Variants in ATIC observed in about 807,000 individuals in gnomAD.
ATIC encodes the protein bifunctional purine biosynthesis protein ATIC.
Under a neutral mutation model 72.5 loss-of-function variants are expected in ATIC, and 64 were observed. The observed-to-expected ratio is 0.88, with a 90% CI of 0.72 to 1.09. ATIC has a LOEUF of 1.09. Among genes scored for constraint, ATIC ranks in the 50% least tolerant of loss-of-function variants. The pLI is 0.00. For missense variants in ATIC, 787 were observed against 732.4 expected, an observed-to-expected ratio of 1.07 and a Z score of -0.86; for synonymous variants, 281 against 267.1, an observed-to-expected ratio of 1.05 and a Z score of -0.51.
chr2:215,337,422 A>AG (rs1446987838), intron 11 of ATIC, among the ~76,000 whole-genome samples: 1 of 152,128 alleles, frequency 6.6e-6, no homozygotes, highest in African/African-American at 2.4e-5. Flanking sequence ...GCTAGAGTGC[A>AG]GTGGTGTGAT....
chr2:215,343,180 G>T (rs1335892408), intron 12 of ATIC, among the ~76,000 whole-genome samples: 3 of 150,658 alleles, frequency 2.0e-5, no homozygotes, highest in Admixed American at 6.6e-5. Flanking sequence ...TTAAAGACAT[G>T]GGATAGTTGT....
Position 215,342,145 on chromosome 2 carries a change from G to C in ATIC, c.1228-2634G>C, listed in dbSNP as rs12464837. Among the ~76,000 whole-genome samples the C allele has an allele frequency of 2.0e-5, 3 of 152,222 alleles. No homozygotes were observed. In the East Asian group the frequency reaches 5.8e-4, roughly 29 times the overall value. On this transcript the variant is annotated intron_variant, in intron 12 of 15. Coordinates refer to ENST00000236959, the MANE Select transcript of ATIC (RefSeq NM_004044.7). ...TTATTATAATTCAGGGTGAGATTTA[G>C]GTGGGGACACAGCCAAACCGTATCA...
At chr2:215,317,491 G>T (rs1264752916) in intron 2 of ATIC, among the ~76,000 whole-genome samples, 52 of 152,004 alleles carry the variant, frequency 3.4e-4, no homozygotes, top group African/African-American at 1.2e-3. Flanking sequence ...ATGTGTTGTT[G>T]TTGTTGTTTT....
intron 4 of ATIC, among the ~76,000 whole-genome samples, chr2:215,320,884 C>G (rs1432454428): frequency 6.6e-6 from 1 of 152,104 alleles, no homozygotes; most frequent in Admixed American, 6.6e-5. Context: ...CCGGCCTGCC[C>G]GGCTCTGTTA....
Position 215,339,377 on chromosome 2 carries a change from C to T in ATIC, c.1227+470C>T, listed in dbSNP as rs187079811. Among the ~76,000 whole-genome samples, 95 of 152,120 alleles carry T rather than the reference C, an allele frequency of 6.2e-4. 1 individual carries two copies. Among genetic ancestry groups the T allele is most frequent in the Admixed American group, 2.7e-3 (41 of 15,284 alleles). ...AGAAAAAGTACAAAAATTAGCCTGG[C>T]GTGGTAGCTGCGCCTGTAGGTCCAG... On this transcript the variant is annotated intron_variant, in intron 12 of 15. Transcript: ENST00000236959.
At chr2:215,344,900 G>A (rs746822234) in intron 13 of ATIC, 29 bp downstream of exon 13, 15 of 1,594,436 alleles carry the variant, frequency 9.4e-6, no homozygotes, top group Non-Finnish European at 1.3e-5. Flanking sequence ...TCGCCTTCGG[G>A]GGACTGTTGT....
chr2:215,343,722 G>A lies in ATIC; in HGVS notation c.1228-1057G>A, dbSNP rs79586472. ...TTTGTTAATAATTTTCTCCTAGTTCGTAGCTTGTCTTTTCATCCTCTTTAA... is the reference window on the plus strand; with the variant it reads ...TTTGTTAATAATTTTCTCCTAGTTCATAGCTTGTCTTTTCATCCTCTTTAA... On this transcript the variant is annotated intron_variant, in intron 12 of 15. Coordinates refer to ENST00000236959, the MANE Select transcript of ATIC (RefSeq NM_004044.7). Among the ~76,000 whole-genome samples, 1,500 of 152,264 alleles carry A rather than the reference G, an allele frequency of 9.9e-3. 28 individuals are homozygous for A. Among genetic ancestry groups the A allele is most frequent in the African/African-American group, 0.035 (1,447 of 41,540 alleles).
At chr2:215,347,118 T>A in intron 14 of ATIC, 177 bp downstream of exon 14, 1 of 871,014 alleles carries the variant, frequency 1.1e-6, no homozygotes, top group African/African-American at 1.7e-5. Flanking sequence ...CTGTCTCATG[T>A]AACTTTCTTC....
At chr2:215,361,702 TG>T in the ATIC span, 1 of 1,158,156 alleles carries the variant, frequency 8.6e-7, no homozygotes. Flanking sequence ...TGCGGGGAGG[TG>T]GGGACTCATG....
downstream of ATIC, among the ~76,000 whole-genome samples, chr2:215,350,213 T>C (rs2053119790): frequency 6.6e-6 from 1 of 152,150 alleles, no homozygotes; most frequent in South Asian, 2.1e-4. Context: ...CTTGGCTCAC[T>C]GCAACCTCCG....
At chr2:215,340,347 T>C (rs2078991025) in intron 12 of ATIC, among the ~76,000 whole-genome samples, 1 of 152,190 alleles carries the variant, frequency 6.6e-6, no homozygotes, top group Non-Finnish European at 1.5e-5. Context: ...CAATAAAGAA[T>C]GGACAAGCTG....
Position 215,346,897 on chromosome 2 carries a change from A to G in ATIC, c.1459A>G (p.Ile487Val), listed in dbSNP as rs1323277689. Reference protein sequence around the residue: ...KFKTGVKRAEISNAIDQYVTG... With the variant: ...KFKTGVKRAEVSNAIDQYVTG... ...TAAAACAGGAGTGAAGAGAGCAGAA[A>G]TCTCCAATGCCATCGATCAATATGT... is the stretch of plus-strand genomic sequence containing the variant. The change falls in exon 14 of 16, where the codon ATC (isoleucine) becomes GTC (valine). Residue 487 changes from isoleucine (I) to valine (V), a missense_variant. Ile to Val is a conservative substitution (Grantham distance 29). Coordinates refer to ENST00000236959, the MANE Select transcript of ATIC (RefSeq NM_004044.7). The G allele has an allele frequency of 2.5e-6, 4 of 1,614,206 alleles. No individual in the cohort carries two copies. The highest frequency in any genetic ancestry group is 2.5e-6 in the Non-Finnish European group (3 of 1,180,032).
chr2:215,331,126 T>A (rs2052888551), intron 7 of ATIC, among the ~76,000 whole-genome samples: 1 of 152,196 alleles, frequency 6.6e-6, no homozygotes, highest in African/African-American at 2.4e-5. Context: ...TTCAACTCAT[T>A]TTGATAAATA....
intron 14 of ATIC, chr2:215,347,687 A>T (rs1201092397): frequency 2.1e-6 from 1 of 480,580 alleles, no homozygotes; most frequent in Non-Finnish European, 4.1e-6. Flanking sequence ...TCCTTAAGAT[A>T]TCTTTTTTTT....
intron 2 of ATIC, among the ~76,000 whole-genome samples, chr2:215,315,075 A>G (rs972779104): frequency 2.0e-5 from 3 of 152,190 alleles, no homozygotes; most frequent in Middle Eastern, 3.2e-3. Flanking sequence ...GGAGAAAGCC[A>G]GGAAAGCCTG....
intron 6 of ATIC, 150 bp downstream of exon 6, chr2:215,326,288 AT>A: frequency 9.5e-7 from 1 of 1,048,052 alleles, no homozygotes; most frequent in African/African-American, 1.6e-5. Flanking sequence ...GAAACCAGCT[AT>A]TACAGAGGTG....
At chr2:215,328,682 G>C (rs963327130) in intron 7 of ATIC, among the ~76,000 whole-genome samples, 1 of 148,872 alleles carries the variant, frequency 6.7e-6, no homozygotes, top group Non-Finnish European at 1.5e-5. Context: ...TATTCAATCT[G>C]TTCAAATTGT....
intron 4 of ATIC, 92 bp from the exon 5 acceptor site, chr2:215,325,149 C>T (rs1035154896): frequency 5.5e-5 from 49 of 898,582 alleles, no homozygotes; most frequent in Non-Finnish European, 7.5e-5. Context: ...CTTTTGTTTA[C>T]GTTAATAGTA....
At chr2:215,364,171 C>T in the ATIC span, among the ~76,000 whole-genome samples, 1 of 152,240 alleles carries the variant, frequency 6.6e-6, no homozygotes, top group Admixed American at 6.5e-5. Context: ...TCAACTATAT[C>T]ATTAAGAGCC....
Sources: gnomAD v4.1 joint callset for allele counts (sites outside exome capture counted in the v4.1 genomes callset) on GRCh38, gnomAD v4.1.1 for gene constraint, MANE v1.5 for transcripts, NCBI Gene and HGNC (gene_info 2026-07-23, HGNC 2026-07-21) for gene names.